Variants in KDM5A observed in about 807,000 individuals in gnomAD.
KDM5A encodes the protein lysine demethylase 5A, also known as lysine-specific demethylase 5A.
In KDM5A, 42 loss-of-function variants were observed where a neutral mutation model predicts 193.5. The observed-to-expected ratio is 0.22, with a 90% CI of 0.17 to 0.28. The LOEUF (loss-of-function observed/expected upper bound fraction) is 0.28. KDM5A is among the 10% of genes least tolerant of loss of function. The probability of loss-of-function intolerance (pLI) is 1.00; values close to 1 mark genes in which losing one functional copy is unlikely to be tolerated. For missense variants in KDM5A, 1,692 were observed against 2,055.1 expected (o/e 0.82, Z 3.42); for synonymous variants, 796 against 718.1 (o/e 1.11, Z -1.73).
intron 3 of KDM5A, 126 bp downstream of exon 3, chr12:383,905 T>C (rs1944608472): frequency 3.8e-6 from 4 of 1,039,044 alleles, no homozygotes; most frequent in Admixed American, 3.4e-5. Context: ...TGCGCCACCA[T>C]ACCCAGCTAG....
At chr12:385,181 G>GA (rs199833232) in intron 2 of KDM5A, among the ~76,000 whole-genome samples, 991 of 93,630 alleles carry the variant, frequency 0.011, 11 homozygotes, top group African/African-American at 0.031. Context: ...AGACTCTCTG[G>GA]AAAAAAAAAA....
chr12:381,445 C>T (rs982877637), intron 3 of KDM5A, among the ~76,000 whole-genome samples: 4 of 152,084 alleles, frequency 2.6e-5, no homozygotes, highest in Admixed American at 2.6e-4. Context: ...TTTATTCATA[C>T]TACAGTCAAA....
intron 27 of KDM5A, among the ~76,000 whole-genome samples, chr12:288,989 A>G (rs983948304): frequency 6.6e-6 from 1 of 152,244 alleles, no homozygotes; most frequent in Non-Finnish European, 1.5e-5. Flanking sequence ...AAAAGGAGAT[A>G]TGAACTAGTA....
chr12:381,799 T>C (rs1944576542), intron 3 of KDM5A, among the ~76,000 whole-genome samples: 1 of 125,920 alleles, frequency 7.9e-6, no homozygotes, highest in African/African-American at 3.0e-5. Flanking sequence ...AAAAGATAAT[T>C]TAAATATGGT....
At position 295,669 on chromosome 12, in the gene KDM5A, A is replaced by G. The variant is rs1221289379; in HGVS notation, c.4359T>C (p.Asp1453=). ...AQLEELMMVG[D]LLEVSLDETQ... is the part of the protein sequence containing the mutation. The stretch of plus-strand genomic sequence containing the variant: ...TCTCGTCCAGAGATACTTCCAGGAG[A>G]TCTCCAACCATCATAAGTTCTTCCA... The change falls in exon 26 of 28, where the codon GAT becomes GAC. Residue 1453 remains aspartate (D), a synonymous_variant. Transcript: ENST00000399788. 6.2e-7 allele frequency: 1 copy of G among 1,614,096 alleles called. No individual in the cohort carries two copies. Among genetic ancestry groups the G allele is most frequent in the African/African-American group, 1.3e-5 (1 of 75,018 alleles).
At chr12:302,638 A>G (rs1185208850) in intron 24 of KDM5A, among the ~76,000 whole-genome samples, 1 of 152,194 alleles carries the variant, frequency 6.6e-6, no homozygotes, top group African/African-American at 2.4e-5. Flanking sequence ...ACAACAACAA[A>G]AGCAATGGCA....
chr12:288,662 C>T (rs761347087), intron 27 of KDM5A, among the ~76,000 whole-genome samples: 1 of 152,174 alleles, frequency 6.6e-6, no homozygotes, highest in Non-Finnish European at 1.5e-5. Flanking sequence ...GTTATTTTGG[C>T]ATTTAATATC....
Position 387,637 on chromosome 12 carries a change from A to T in KDM5A, c.165+1290T>A, listed in dbSNP as rs184029105. On this transcript the variant is annotated intron_variant, in intron 1 of 27. Coordinates refer to ENST00000399788, the MANE Select transcript of KDM5A (RefSeq NM_001042603.3). ...AGCATTACGTCTGTTTCAGAATCAGAAAAACTGATCTAGGTTCAAAATACA... is the reference window on the plus strand; with the variant it reads ...AGCATTACGTCTGTTTCAGAATCAGTAAAACTGATCTAGGTTCAAAATACA... Among the ~76,000 whole-genome samples the T allele has an allele frequency of 2.9e-3, 449 of 152,320 alleles. 2 individuals are homozygous for T. Among genetic ancestry groups the T allele is most frequent in the African/African-American group, 0.01 (431 of 41,584 alleles).
At chr12:378,505 T>A (rs780846413) in intron 3 of KDM5A, among the ~76,000 whole-genome samples, 1 of 152,136 alleles carries the variant, frequency 6.6e-6, no homozygotes, top group South Asian at 2.1e-4. Context: ...GCTCAAATGA[T>A]CCTCCTGCCT....
At position 323,189 on chromosome 12, in the gene KDM5A, T is replaced by C; in HGVS notation, c.2168A>G (p.Glu723Gly). 4.6e-6 allele frequency: 7 copies of C among 1,508,212 alleles called. No individual in the cohort carries two copies. Among genetic ancestry groups the C allele is most frequent in the Non-Finnish European group, 6.3e-6 (7 of 1,117,362 alleles). 93.4% of individuals were successfully genotyped at this position (1,508,212 alleles called of 1,614,324 possible). A position where few individuals can be genotyped will look rare whatever the true frequency, so the allele number is the denominator to read the frequency against. The change falls in exon 16 of 28, where the codon GAA becomes GGA. Residue 723 changes from glutamate to glycine, a missense_variant. By Grantham distance (98) the Glu-to-Gly change is moderately conservative. Around this residue, in one of 11 missense-constraint regions of KDM5A, gnomAD observed 88 missense variants for 124.6 expected, o/e 0.71. Transcript: ENST00000399788. ...KKCLRYRYPLEDLPSLLYGVK... is the reference protein window; with the variant it reads ...KKCLRYRYPLGDLPSLLYGVK... Reference sequence around the variant, plus strand: ...ACCATATAGCAGAGAAGGGAGGTCTTCTAATGGGTAGCGATATCTACAAAA... The same window carrying C: ...ACCATATAGCAGAGAAGGGAGGTCTCCTAATGGGTAGCGATATCTACAAAA...
Position 297,058 on chromosome 12 carries a change from G to A in KDM5A, c.4217C>T (p.Ser1406Phe), listed in dbSNP as rs1343841537. The stretch of plus-strand genomic sequence containing the variant: ...AGTAATACCTTGAGAACAACTCTTA[G>A]AAGCAGAAGAATAAGCATGCTCTGC... ...FCAEHAYSSA[S>F]KSCSQGSSTP... The change falls in exon 25 of 28, where the codon TCT becomes TTT. Residue 1406 changes from serine (S) to phenylalanine (F), a missense_variant. Transcript: ENST00000399788. 6.2e-7 allele frequency: 1 copy of A among 1,613,836 alleles called. No individual in the cohort carries two copies. Among genetic ancestry groups the A allele is most frequent in the Non-Finnish European group, 8.5e-7 (1 of 1,179,982 alleles).
In KDM5A at chr12:356,547, A is replaced by G. The variant is rs1182592059; in HGVS notation, c.673-10T>C. 1 of 1,563,638 alleles carries G rather than the reference A, an allele frequency of 6.4e-7. No individual in the cohort carries two copies. Among genetic ancestry groups the G allele is most frequent in the Admixed American group, 1.7e-5 (1 of 59,968 alleles). Reference sequence around the variant, plus strand: ...CATCTCCAGATTCTGACTAAAAAATAAGCAAAATTCACATTAGCATAATCA... The same window carrying G: ...CATCTCCAGATTCTGACTAAAAAATGAGCAAAATTCACATTAGCATAATCA... On this transcript the variant is annotated splice_polypyrimidine_tract_variant and intron_variant, in intron 5 of 27. Transcript: ENST00000399788.
At chr12:348,763 G>T (rs1270092639) in intron 10 of KDM5A, among the ~76,000 whole-genome samples, 1 of 152,014 alleles carries the variant, frequency 6.6e-6, no homozygotes, top group Non-Finnish European at 1.5e-5. Flanking sequence ...GCCTGTCAGG[G>T]GGTGGGGGGC....
chr12:310,989 C>T lies in KDM5A; in HGVS notation c.3112G>A (p.Glu1038Lys). The T allele has an allele frequency of 6.2e-7, 1 of 1,614,206 alleles. No homozygotes were observed. The highest frequency in any genetic ancestry group is 8.5e-7 in the Non-Finnish European group (1 of 1,180,030). The change falls in exon 21 of 28, where the codon GAA (glutamate) becomes AAA (lysine). Residue 1038 changes from glutamate (E) to lysine (K), a missense_variant. Transcript: ENST00000399788. ...TGTGATTCCACTTGCGGCAGTGCTT[C>T]AAGACGCACAGGAATAGGGCGTCCT... ...AKGRPIPVRL[E>K]ALPQVESQVA... is the part of the protein sequence containing the mutation.
At chr12:305,514 G>C (rs1943492889) in intron 24 of KDM5A, among the ~76,000 whole-genome samples, 1 of 152,148 alleles carries the variant, frequency 6.6e-6, no homozygotes, top group South Asian at 2.1e-4. Context: ...ATAAAAGATA[G>C]TGAAGGGGTA....
chr12:302,950 T>C (rs1943462991), intron 24 of KDM5A, among the ~76,000 whole-genome samples: 1 of 152,030 alleles, frequency 6.6e-6, no homozygotes, highest in Admixed American at 6.6e-5. Context: ...GAATTGCAAA[T>C]CAAAACCACA....
intron 24 of KDM5A, among the ~76,000 whole-genome samples, chr12:299,110 T>C (rs1943408926): frequency 6.6e-6 from 1 of 152,098 alleles, no homozygotes; most frequent in African/African-American, 2.4e-5. Context: ...TGGAACCAAC[T>C]TGAAAAACAC....
chr12:372,359 C>A (rs941236607), intron 3 of KDM5A, among the ~76,000 whole-genome samples: 2 of 152,176 alleles, frequency 1.3e-5, no homozygotes, highest in Non-Finnish European at 2.9e-5. Context: ...CTGTTTGAAG[C>A]AATTGTGAAT....
At position 318,398 on chromosome 12, in the gene KDM5A, G is replaced by A. The variant is rs2137404176; in HGVS notation, c.2605C>T (p.Pro869Ser). 1 of 1,614,080 alleles carries A rather than the reference G, an allele frequency of 6.2e-7. No individual in the cohort carries two copies. The highest frequency in any genetic ancestry group is 8.5e-7 in the Non-Finnish European group (1 of 1,179,988). Residue 869 changes from proline (P) to serine (S), a missense_variant, in exon 19 of 28, where the codon CCA becomes TCA. By Grantham distance (74) the Pro-to-Ser change is moderately conservative. This residue lies in a region of KDM5A where 965 missense variants were observed against 1,061.0 expected (regional missense o/e 0.91). Transcript: ENST00000399788. The part of the protein sequence containing the change: ...RAQEAMMDET[P>S]DSSKLQMLID... ...AACATCTGGAGTTTGGAAGAATCTG[G>A]GGTTTCATCCATCATGGCCTCCTGA...
Sources: gnomAD v4.1 joint callset for allele counts (sites outside exome capture counted in the v4.1 genomes callset) on GRCh38, gnomAD v4.1.1 for gene constraint, gnomAD v4.1.1 regional missense constraint, MANE v1.5 for transcripts, NCBI Gene and HGNC (gene_info 2026-07-23, HGNC 2026-07-21) for gene names.